The following CDH12 variants were observed in gnomAD, a reference collection of about 807,000 sequenced individuals.
CDH12 encodes the protein cadherin 12, also known as cadherin-12.
CDH12 carries 41 observed loss-of-function variants against 74.1 expected under a neutral mutation model. That is an observed-to-expected ratio of 0.55 (90% CI 0.43 to 0.72). The LOEUF is 0.72. CDH12 is among the 30% of genes least tolerant of loss of function. CDH12 has a pLI of 0.00. For synonymous variants in CDH12, 399 were observed against 355.0 expected, an observed-to-expected ratio of 1.12 and a Z score of -1.39; for missense variants, 945 against 977.2, an observed-to-expected ratio of 0.97 and a Z score of 0.44.
At chr5:21,821,222 C>G (rs1478601929) in intron 8 of CDH12, among the ~76,000 whole-genome samples, 2 of 150,962 alleles carry the variant, frequency 1.3e-5, no homozygotes, top group African/African-American at 4.9e-5. Context: ...ACATGCATTG[C>G]TACTTTAAAA....
At chr5:21,984,201 C>A (rs1757423233) in intron 5 of CDH12, among the ~76,000 whole-genome samples, 1 of 152,122 alleles carries the variant, frequency 6.6e-6, no homozygotes, top group African/African-American at 2.4e-5. Flanking sequence ...AAGAATCAAT[C>A]ATTTCTTCTA....
intron 4 of CDH12, among the ~76,000 whole-genome samples, chr5:22,203,604 C>T (rs1202148356): frequency 6.6e-6 from 1 of 152,162 alleles, no homozygotes; most frequent in Non-Finnish European, 1.5e-5. Flanking sequence ...CCTTTGGATA[C>T]AGACCCAGCA....
chr5:22,716,007 C>A (rs1001089258), intron 1 of CDH12, among the ~76,000 whole-genome samples: 1 of 151,166 alleles, frequency 6.6e-6, no homozygotes, highest in Non-Finnish European at 1.5e-5. Context: ...TGTGATGGTG[C>A]GTGCCTGTAA....
At position 21,762,534 on chromosome 5, in the gene CDH12, C is replaced by T. The variant is rs182626978; in HGVS notation, c.1516-1859G>A. 5.8e-3 allele frequency among the ~76,000 whole-genome samples: 888 copies of T among 152,126 alleles called. 8 individuals are homozygous for T. The highest frequency in any genetic ancestry group is 0.02 in the African/African-American group (840 of 41,536). On this transcript the variant is annotated intron_variant, in intron 12 of 14. Transcript: ENST00000382254. ...TATTACAATATATTACAATTAATTT[C>T]TCATATATTACATCCCTGAAAACTC...
chr5:22,733,018 A>G lies in CDH12; in HGVS notation c.-523+120040T>C, dbSNP rs1050709080. ...AAGCATTTGATGAGCAAATCATCTG[A>G]AATAATGTGTGTGATTAGGTGTATC... On this transcript the variant is annotated intron_variant, in intron 1 of 14. Coordinates refer to ENST00000382254, the MANE Select transcript of CDH12 (RefSeq NM_004061.5). Among the ~76,000 whole-genome samples, 3 of 151,936 alleles carry G rather than the reference A, an allele frequency of 2.0e-5. 1 individual carries two copies. Among genetic ancestry groups the G allele is most frequent in the Admixed American group, 2.0e-4 (3 of 15,226 alleles).
At chr5:22,365,515 A>T (rs1740993208) in intron 3 of CDH12, among the ~76,000 whole-genome samples, 2 of 152,204 alleles carry the variant, frequency 1.3e-5, no homozygotes, top group African/African-American at 4.8e-5. Flanking sequence ...TAAATTATAT[A>T]GATAAATAAG....
In CDH12 at chr5:22,349,400, C is replaced by T. The variant is rs963415147; in HGVS notation, c.-333+55857G>A. Among the ~76,000 whole-genome samples, 9 of 152,120 alleles carry T rather than the reference C, an allele frequency of 5.9e-5. No individual in the cohort carries two copies. In the East Asian group the frequency reaches 1.5e-3, roughly 26 times the overall value. ...TTATCAACCTGAAATTATAATTTCT[C>T]TTTCTCCATTCTTATATGTCTTATG... On this transcript the variant is annotated intron_variant, in intron 3 of 14. Transcript: ENST00000382254.
At chr5:22,372,887 T>C (rs1741356989) in intron 3 of CDH12, among the ~76,000 whole-genome samples, 1 of 152,126 alleles carries the variant, frequency 6.6e-6, no homozygotes, top group Admixed American at 6.5e-5. Context: ...AAATGCCACT[T>C]CCACTTCCAT....
In CDH12 at chr5:22,138,875, T is replaced by TATATAC. The variant is rs1256794399; in HGVS notation, c.-186-60014_-186-60013insGTATAT. ...ATATATATATATATATATATATATA[T>TATATAC]ACATGTTGGACTCATCGATGTACAT... is the stretch of plus-strand genomic sequence containing the variant. On this transcript the variant is annotated intron_variant, in intron 4 of 14. Coordinates refer to ENST00000382254, the MANE Select transcript of CDH12 (RefSeq NM_004061.5). Among the ~76,000 whole-genome samples, 16 of 137,686 alleles carry TATATAC rather than the reference T, an allele frequency of 1.2e-4. 1 individual carries two copies. Among genetic ancestry groups the TATATAC allele is most frequent in the African/African-American group, 3.2e-4 (12 of 37,542 alleles). The allele number at this position is 137,686 out of a possible 152,430, so 90.3% of individuals were successfully genotyped here. A position where few individuals can be genotyped will look rare whatever the true frequency, so the allele number is the denominator to read the frequency against.
chr5:22,283,458 T>C (rs6452077), intron 3 of CDH12, among the ~76,000 whole-genome samples: 147,317 of 151,694 alleles, frequency 0.97, 71,666 homozygotes, highest in Non-Finnish European at 1. Context: ...AGGAAATATA[T>C]TCAGTTGCAA....
chr5:22,539,328 A>G (rs1317150638), intron 1 of CDH12, among the ~76,000 whole-genome samples: 2 of 152,246 alleles, frequency 1.3e-5, no homozygotes, highest in African/African-American at 2.4e-5. Flanking sequence ...GTGGGTCTCC[A>G]TAAGTCCAGA....
chr5:22,314,265 T>C (rs1738517347), intron 3 of CDH12, among the ~76,000 whole-genome samples: 5 of 152,160 alleles, frequency 3.3e-5, no homozygotes, highest in Admixed American at 2.0e-4. Flanking sequence ...TTGAGTACCG[T>C]CAAATTCATA....
chr5:22,046,436 T>C (rs938624601), intron 5 of CDH12, among the ~76,000 whole-genome samples: 4 of 144,562 alleles, frequency 2.8e-5, no homozygotes, highest in African/African-American at 5.3e-5. Context: ...ATTTCTTTTT[T>C]TTTTTTTTTT....
intron 3 of CDH12, among the ~76,000 whole-genome samples, chr5:22,271,068 T>C (rs987915096): frequency 6.6e-6 from 1 of 152,210 alleles, no homozygotes; most frequent in African/African-American, 2.4e-5. Context: ...AATTTATCTG[T>C]GGGTTTCTCT....
chr5:22,431,901 A>G (rs1191930357), intron 2 of CDH12, among the ~76,000 whole-genome samples: 3 of 152,210 alleles, frequency 2.0e-5, no homozygotes, highest in Admixed American at 6.5e-5. Flanking sequence ...TAAATTTTAT[A>G]AAGTAAAGAA....
At chr5:22,827,256 G>A (rs776964341) in intron 1 of CDH12, among the ~76,000 whole-genome samples, 8 of 152,246 alleles carry the variant, frequency 5.3e-5, no homozygotes, top group Non-Finnish European at 1.2e-4. Flanking sequence ...CGAGTACACA[G>A]AATTCAAGAC....
At chr5:22,629,250 T>C (rs967298596) in intron 1 of CDH12, among the ~76,000 whole-genome samples, 2 of 152,034 alleles carry the variant, frequency 1.3e-5, no homozygotes, top group African/African-American at 4.8e-5. Context: ...ACTCATTCTC[T>C]GAGGTCACCA....
chr5:22,328,899 A>G (rs10462224), intron 3 of CDH12, among the ~76,000 whole-genome samples: 64,792 of 152,006 alleles, frequency 0.43, 13,813 homozygotes, highest in South Asian at 0.49. Context: ...AGTTGGAAGA[A>G]TAAGAAGCCA....
At chr5:22,443,897 T>G (rs758351212) in intron 2 of CDH12, among the ~76,000 whole-genome samples, 1 of 152,066 alleles carries the variant, frequency 6.6e-6, no homozygotes, top group Non-Finnish European at 1.5e-5. Flanking sequence ...TATTTACACA[T>G]GCATATGTAC....
Sources: gnomAD v4.1 joint callset for allele counts (sites outside exome capture counted in the v4.1 genomes callset) on GRCh38, gnomAD v4.1.1 for gene constraint, MANE v1.5 for transcripts, NCBI Gene and HGNC (gene_info 2026-07-23, HGNC 2026-07-21) for gene names.